The following TRIM4 variants were observed in gnomAD, a reference collection of about 807,000 sequenced individuals.
The protein encoded by TRIM4 is tripartite motif containing 4.
In TRIM4, 29 loss-of-function variants were observed where a neutral mutation model predicts 33.7. The observed-to-expected ratio is 0.86, with a 90% CI of 0.64 to 1.17. The LOEUF is 1.17. TRIM4 is among the 50% of genes most tolerant of loss of function. TRIM4 has a pLI of 0.00. For synonymous variants in TRIM4, 224 were observed against 233.0 expected (o/e 0.96, Z 0.35); for missense variants, 554 against 593.7 (o/e 0.93, Z 0.69).
intron 5 of TRIM4, 23 bp downstream of exon 5, chr7:99,903,195 C>T: frequency 6.4e-7 from 1 of 1,570,594 alleles, no homozygotes; most frequent in Non-Finnish European, 8.7e-7. Flanking sequence ...TAAGGAGCCC[C>T]AAGTCCTAGA....
At chr7:99,903,728 C>T in intron 3 of TRIM4, 130 bp from the exon 4 acceptor site, 1 of 992,842 alleles carries the variant, frequency 1.0e-6, no homozygotes, top group Non-Finnish European at 1.6e-6. Context: ...CTGCCAAAGC[C>T]AACAGATTGA....
chr7:99,894,084 G>T, intron 5 of TRIM4, among the ~76,000 whole-genome samples: 1 of 147,290 alleles, frequency 6.8e-6, no homozygotes, highest in African/African-American at 2.5e-5. Flanking sequence ...TATCCTTTTT[G>T]TATACCAAAG....
intron 1 of TRIM4, chr7:99,916,739 C>A: frequency 1.3e-6 from 1 of 781,076 alleles, no homozygotes; most frequent in South Asian, 1.3e-5. Context: ...CCTAATTAGT[C>A]TTCTCTTCCA....
chr7:99,897,325 C>A (rs780288162), intron 5 of TRIM4, among the ~76,000 whole-genome samples: 3 of 152,146 alleles, frequency 2.0e-5, no homozygotes, highest in Non-Finnish European at 4.4e-5. Flanking sequence ...AGGATTATAC[C>A]GCTGTGGAAA....
At chr7:99,912,125 A>C (rs192950303) in intron 1 of TRIM4, among the ~76,000 whole-genome samples, 3 of 152,212 alleles carry the variant, frequency 2.0e-5, no homozygotes, top group Admixed American at 2.0e-4. Context: ...GGGAAAGGGC[A>C]TGAAAGAATT....
rs1286896826 is a variant in TRIM4 at position 99,919,026 on chromosome 7, C to T, written c.376G>A (p.Ala126Thr). The T allele has an allele frequency of 6.3e-7, 1 of 1,590,566 alleles. No individual in the cohort carries two copies. Among genetic ancestry groups the T allele is most frequent in the South Asian group, 1.1e-5 (1 of 87,868 alleles). The change falls in exon 1 of 6, where the codon GCC becomes ACC. Residue 126 changes from alanine (A) to threonine (T), a missense_variant. By Grantham distance (58) the Ala-to-Thr change is moderately conservative. Transcript: ENST00000349062. ...CAGCTCACCCGGTAGCTCTCGAAGG[C>T]CTCGTCGATGGGTGCCATGGCGTGA... ...QTHAMAPIDEAFESYREKLLK... is the reference protein window; with the variant it reads ...QTHAMAPIDETFESYREKLLK...
intron 5 of TRIM4, 116 bp downstream of exon 5, chr7:99,903,102 C>CGGTG (rs1819213095): frequency 2.6e-6 from 2 of 756,584 alleles, no homozygotes; most frequent in African/African-American, 3.5e-5. Context: ...TATTAACCAC[C>CGGTG]TTTCCTGACA....
intron 3 of TRIM4, 149 bp from the exon 4 acceptor site, chr7:99,903,747 G>A: frequency 1.2e-6 from 1 of 855,976 alleles, no homozygotes; most frequent in Non-Finnish European, 1.9e-6. Context: ...GACAGAATCT[G>A]GTCCTTTCTT....
intron 1 of TRIM4, among the ~76,000 whole-genome samples, chr7:99,910,196 G>GTTTTCCTGGT (rs1184837642): frequency 6.6e-6 from 1 of 152,170 alleles, no homozygotes. Context: ...AAAACTGTTA[G>GTTTTCCTGGT]AAGATTAGCA....
At chr7:99,902,774 G>C (rs1453360179) in intron 5 of TRIM4, among the ~76,000 whole-genome samples, 1 of 150,932 alleles carries the variant, frequency 6.6e-6, no homozygotes, top group Non-Finnish European at 1.5e-5. Flanking sequence ...TCATGCTGCT[G>C]CTTCTGCTTG....
chr7:99,912,845 A>T lies in TRIM4; in HGVS notation c.394-3185T>A, dbSNP rs1213710162. On this transcript the variant is annotated intron_variant, in intron 1 of 5. Transcript: ENST00000349062. ...TTCATACAGTTCTGTTAAATGGCAC[A>T]ATACCATCTGTGCTATTCTGTTTCT... is the stretch of plus-strand genomic sequence containing the variant. Among the ~76,000 whole-genome samples the T allele has an allele frequency of 2.0e-5, 3 of 152,258 alleles. No homozygotes were observed. The East Asian group carries it at 5.8e-4, about 29-fold the overall frequency.
chr7:99,898,110 TAA>T (rs888843017), intron 5 of TRIM4, among the ~76,000 whole-genome samples: 2 of 152,208 alleles, frequency 1.3e-5, no homozygotes, highest in African/African-American at 4.8e-5. Context: ...TTTGGCATGA[TAA>T]GTCTCACCCA....
intron 5 of TRIM4, among the ~76,000 whole-genome samples, chr7:99,900,513 T>C (rs979251172): frequency 6.6e-6 from 1 of 152,144 alleles, no homozygotes; most frequent in Admixed American, 6.5e-5. Context: ...CAATAATATA[T>C]ATTTATTCGT....
chr7:99,899,918 G>A (rs1389236286), intron 5 of TRIM4, among the ~76,000 whole-genome samples: 6 of 152,132 alleles, frequency 3.9e-5, no homozygotes, highest in African/African-American at 1.4e-4. Flanking sequence ...GGCCTCCCAA[G>A]TAACTGGGAC....
chr7:99,893,153 G>A (rs1338423825), intron 5 of TRIM4, among the ~76,000 whole-genome samples: 1 of 152,154 alleles, frequency 6.6e-6, no homozygotes, highest in Non-Finnish European at 1.5e-5. Flanking sequence ...TGTAATCCCA[G>A]TTACTGGGGA....
chr7:99,896,978 T>A (rs1231118658), intron 5 of TRIM4, among the ~76,000 whole-genome samples: 1 of 152,332 alleles, frequency 6.6e-6, no homozygotes, highest in African/African-American at 2.4e-5. Flanking sequence ...GAGCTGCAAC[T>A]AGGGAGATAT....
chr7:99,917,048 C>T (rs1348163681), intron 1 of TRIM4, among the ~76,000 whole-genome samples: 1 of 152,196 alleles, frequency 6.6e-6, no homozygotes, highest in Non-Finnish European at 1.5e-5. Context: ...GCCTGAAATA[C>T]CTTCTTTCCT....
chr7:99,895,476 T>C (rs1818996156), intron 5 of TRIM4, among the ~76,000 whole-genome samples: 1 of 152,238 alleles, frequency 6.6e-6, no homozygotes, highest in Non-Finnish European at 1.5e-5. Context: ...GCTTAGTCTA[T>C]CTTGGAAAAT....
intron 1 of TRIM4, among the ~76,000 whole-genome samples, chr7:99,911,913 T>C (rs1819453585): frequency 6.6e-6 from 1 of 152,144 alleles, no homozygotes; most frequent in African/African-American, 2.4e-5. Flanking sequence ...GGTGGATAAA[T>C]AATGGCAAAA....
Sources: gnomAD v4.1 joint callset for allele counts (sites outside exome capture counted in the v4.1 genomes callset) on GRCh38, gnomAD v4.1.1 for gene constraint, MANE v1.5 for transcripts, NCBI Gene and HGNC (gene_info 2026-07-23, HGNC 2026-07-21) for gene names.